DOCK2: variants seen among roughly 807,000 people sequenced by gnomAD.
The protein encoded by DOCK2 is dedicator of cytokinesis 2, also known as dedicator of cytokinesis protein 2.
A neutral mutation model predicts 248.9 loss-of-function variants in DOCK2; 87 were observed. That is an observed-to-expected ratio of 0.35 (90% CI 0.29 to 0.42). The LOEUF (loss-of-function observed/expected upper bound fraction) is 0.42, where lower values mean the gene tolerates loss of function less well. Among genes scored for constraint, DOCK2 ranks in the 10% least tolerant of loss-of-function variants. DOCK2 has a pLI of 1.00. For synonymous variants in DOCK2, 805 were observed against 821.6 expected (o/e 0.98, Z 0.35); for missense variants, 1,747 against 2,300.2 (o/e 0.76, Z 4.92).
At chr5:169,745,860 A>G (rs262835) in intron 22 of DOCK2, among the ~76,000 whole-genome samples, 49,023 of 152,042 alleles carry the variant, frequency 0.32, 11,401 homozygotes, top group African/African-American at 0.64. Flanking sequence ...CTCTGGTGGC[A>G]GAACAAGAAG....
Position 170,057,665 on chromosome 5 carries a change from A to T in DOCK2, c.4466A>T (p.Gln1489Leu). ...TGGTTTGAGGTGGTGCACATGTCGC[A>T]GGTGAGTCTGGGACATTCGTGGCAG... ...LRWFEVVHMS[Q>L]TTISPLENAI... Residue 1489 changes from glutamine (Q) to leucine (L), a missense_variant and splice_region_variant, in exon 44 of 52, where the codon CAG becomes CTG. This residue lies in a region of DOCK2 where 513 missense variants were observed against 586.1 expected (regional missense o/e 0.88). Transcript: ENST00000520908. The T allele has an allele frequency of 6.2e-7, 1 of 1,609,146 alleles. No homozygotes were observed. Among genetic ancestry groups the T allele is most frequent in the Middle Eastern group, 1.7e-4 (1 of 6,030 alleles).
At chr5:169,901,744 AT>A (rs1581386278) in intron 27 of DOCK2, among the ~76,000 whole-genome samples, 1 of 152,346 alleles carries the variant, frequency 6.6e-6, no homozygotes, top group East Asian at 1.9e-4. Flanking sequence ...AGAAGGCAAC[AT>A]TTTGAGACAC....
At chr5:169,878,875 C>T (rs558353364) in intron 27 of DOCK2, among the ~76,000 whole-genome samples, 1 of 152,286 alleles carries the variant, frequency 6.6e-6, no homozygotes, top group East Asian at 1.9e-4. Context: ...ATCCATTCAC[C>T]TTTATGTACG....
chr5:169,698,544 T>C (rs1233639450), intron 11 of DOCK2, 95 bp downstream of exon 11: 2 of 1,388,432 alleles, frequency 1.4e-6, no homozygotes, highest in Non-Finnish European at 2.0e-6. Context: ...CCTGAGTTAG[T>C]GATAGGCAGG....
intron 27 of DOCK2, chr5:169,864,466 AAC>A (rs1378406070): frequency 8.6e-6 from 13 of 1,520,066 alleles, no homozygotes; most frequent in Non-Finnish European, 1.1e-5. Context: ...TACACTGAAA[AAC>A]ACAGAGAGGA....
At position 170,010,932 on chromosome 5, in the gene DOCK2, T is replaced by C. The variant is rs186699240; in HGVS notation, c.3232+2186T>C. Among the ~76,000 whole-genome samples the C allele has an allele frequency of 7.2e-4, 109 of 152,354 alleles. No individual in the cohort carries two copies. The East Asian group carries it at 0.014, about 19-fold the overall frequency. On this transcript the variant is annotated intron_variant, in intron 32 of 51. Coordinates refer to ENST00000520908, the MANE Select transcript of DOCK2 (RefSeq NM_004946.3). ...GCACACAGAAGATTTTATTTAGATA[T>C]AGATTATGTTTTGGCAGGCATTCCT...
chr5:169,914,672 TA>T (rs1774781377), intron 27 of DOCK2, among the ~76,000 whole-genome samples: 1 of 152,232 alleles, frequency 6.6e-6, no homozygotes, highest in Non-Finnish European at 1.5e-5. Flanking sequence ...ATCTTAGTAG[TA>T]ACCTGGGCCC....
At chr5:170,033,784 C>G (rs1202237356) in intron 34 of DOCK2, among the ~76,000 whole-genome samples, 2 of 152,170 alleles carry the variant, frequency 1.3e-5, no homozygotes, top group Admixed American at 1.3e-4. Flanking sequence ...AAGTGAAAAG[C>G]AAATATTGTT....
chr5:169,699,878 CT>C lies in DOCK2; in HGVS notation c.1133-135del, dbSNP rs1404009566. 3.1e-6 allele frequency: 4 copies of C among 1,279,180 alleles called. No homozygotes were observed. In the African/African-American group the frequency reaches 5.9e-5, roughly 19 times the overall value. 79.2% of individuals were successfully genotyped at this position (1,279,180 alleles called of 1,614,324 possible). On this transcript the variant is annotated intron_variant, in intron 12 of 51. Transcript: ENST00000520908. ...TCGCCTGTTCCAGAGGCCCTGTGGG[CT>C]GGGTGGCTGCATCTGTGGCTGTATG... is the stretch of plus-strand genomic sequence containing the variant.
intron 25 of DOCK2, among the ~76,000 whole-genome samples, chr5:169,777,836 T>C (rs1021708725): frequency 1.3e-5 from 2 of 152,194 alleles, no homozygotes; most frequent in Non-Finnish European, 2.9e-5. Flanking sequence ...CTACTATTAT[T>C]TGCAGTCATC....
chr5:169,928,173 CT>C (rs745631469), intron 27 of DOCK2, among the ~76,000 whole-genome samples: 1 of 152,224 alleles, frequency 6.6e-6, no homozygotes, highest in Non-Finnish European at 1.5e-5. Context: ...ACCTCATTGA[CT>C]TGCCCCACCC....
chr5:169,699,682 G>A lies in DOCK2; in HGVS notation c.1132+224G>A, dbSNP rs138914029. On this transcript the variant is annotated intron_variant, in intron 12 of 51. Coordinates refer to ENST00000520908, the MANE Select transcript of DOCK2 (RefSeq NM_004946.3). ...AAGCAGAGAGGAATTGATACATCCTGAATATCTCCGGTGTTCCGGGGGCAC... is the reference window on the plus strand; with the variant it reads ...AAGCAGAGAGGAATTGATACATCCTAAATATCTCCGGTGTTCCGGGGGCAC... Among the ~76,000 whole-genome samples, 1,076 of 152,352 alleles carry A rather than the reference G, an allele frequency of 7.1e-3. 12 individuals carry two copies. Among genetic ancestry groups the A allele is most frequent in the African/African-American group, 0.025 (1,024 of 41,578 alleles).
rs190572308 is a variant in DOCK2, at chr5:169,986,381, C to T, written c.2993+459C>T. 9.9e-5 allele frequency among the ~76,000 whole-genome samples: 15 copies of T among 152,220 alleles called. No individual in the cohort carries two copies. The East Asian group carries it at 2.7e-3, about 27-fold the overall frequency. On this transcript the variant is annotated intron_variant, in intron 29 of 51. Transcript: ENST00000520908. ...TTTTCTAAGAGGAGGATTTAGGGTA[C>T]AGCATTCCATTTGCCCATCCATTTG...
At chr5:170,007,832 G>A (rs1581522542) in intron 30 of DOCK2, among the ~76,000 whole-genome samples, 1 of 152,136 alleles carries the variant, frequency 6.6e-6, no homozygotes, top group East Asian at 1.9e-4. Context: ...TCACCTGACT[G>A]CTTATTAACC....
At chr5:169,829,339 C>T (rs558040481) in intron 26 of DOCK2, among the ~76,000 whole-genome samples, 2 of 152,322 alleles carry the variant, frequency 1.3e-5, no homozygotes, top group South Asian at 2.1e-4. Context: ...CAGAGTTAAA[C>T]AGGTTGCCTA....
intron 2 of DOCK2, among the ~76,000 whole-genome samples, chr5:169,657,114 T>C (rs1435929547): frequency 1.3e-5 from 2 of 152,220 alleles, no homozygotes; most frequent in Non-Finnish European, 2.9e-5. Context: ...TATCTCCTGG[T>C]ACGCAAATCA....
At chr5:169,989,043 T>C (rs1778145078) in intron 29 of DOCK2, among the ~76,000 whole-genome samples, 1 of 152,250 alleles carries the variant, frequency 6.6e-6, no homozygotes, top group Admixed American at 6.5e-5. Flanking sequence ...GTTATGATAG[T>C]TGGCCTGTTT....
intron 27 of DOCK2, among the ~76,000 whole-genome samples, chr5:169,922,367 A>G (rs1348783378): frequency 6.6e-6 from 1 of 152,220 alleles, no homozygotes; most frequent in African/African-American, 2.4e-5. Flanking sequence ...AATACATAAA[A>G]ATAATGTAAT....
intron 27 of DOCK2, among the ~76,000 whole-genome samples, chr5:169,899,481 C>G (rs1300359158): frequency 2.0e-5 from 3 of 152,138 alleles, no homozygotes; most frequent in Non-Finnish European, 4.4e-5. Context: ...CAAAAATGAG[C>G]CTTGGTTTCT....
Sources: gnomAD v4.1 joint callset for allele counts (sites outside exome capture counted in the v4.1 genomes callset) on GRCh38, gnomAD v4.1.1 for gene constraint, gnomAD v4.1.1 regional missense constraint, MANE v1.5 for transcripts, NCBI Gene and HGNC (gene_info 2026-07-23, HGNC 2026-07-21) for gene names.